SLC24A2: variants seen among roughly 807,000 people sequenced by gnomAD.
SLC24A2 encodes the protein sodium/potassium/calcium exchanger 2.
SLC24A2 carries 36 observed loss-of-function variants against 62.0 expected under a neutral mutation model. The ratio of observed to expected loss-of-function variants is 0.58; its 90% confidence interval spans 0.44 to 0.77. SLC24A2 has a LOEUF of 0.77. Among genes scored for constraint, SLC24A2 ranks in the 30% least tolerant of loss-of-function variants. The pLI, the probability that SLC24A2 is intolerant of heterozygous loss-of-function variation, is 0.00. For missense variants in SLC24A2, 846 were observed against 817.9 expected (o/e 1.03, Z -0.42); for synonymous variants, 358 against 294.0 (o/e 1.22, Z -2.23).
At chr9:19,792,312 T>G (rs1262694834), upstream of SLC24A2, among the ~76,000 whole-genome samples, 1 of 152,130 alleles carries the variant, frequency 6.6e-6, no homozygotes, top group South Asian at 2.1e-4. Flanking sequence ...TAGTAATGAT[T>G]AGCAATTTTT....
At chr9:19,531,401 G>C (rs551878234) in intron 8 of SLC24A2, among the ~76,000 whole-genome samples, 4 of 152,094 alleles carry the variant, frequency 2.6e-5, no homozygotes, top group Admixed American at 6.6e-5. Context: ...TATAGTAATG[G>C]GGGTTCATCC....
At chr9:19,824,262 G>T in the SLC24A2 span, among the ~76,000 whole-genome samples, 2 of 152,120 alleles carry the variant, frequency 1.3e-5, no homozygotes, top group African/African-American at 2.4e-5. Flanking sequence ...GAAAATTGTT[G>T]CAATCTATCC....
intron 2 of SLC24A2, among the ~76,000 whole-genome samples, chr9:19,704,571 C>G (rs1381456655): frequency 6.6e-6 from 1 of 152,070 alleles, no homozygotes; most frequent in Non-Finnish European, 1.5e-5. Flanking sequence ...TTTTCAATTC[C>G]TTTTCTGTTT....
chr9:19,898,635 G>T, the SLC24A2 span, among the ~76,000 whole-genome samples: 3 of 151,394 alleles, frequency 2.0e-5, no homozygotes, highest in East Asian at 5.9e-4. Flanking sequence ...CCAGCTACTC[G>T]GGAGGCTAAG....
chr9:19,736,224 A>G, intron 2 of SLC24A2, among the ~76,000 whole-genome samples: 1 of 152,296 alleles, frequency 6.6e-6, no homozygotes, highest in South Asian at 2.1e-4. Context: ...TAATAATAAT[A>G]CTTGATTAAT....
the SLC24A2 span, among the ~76,000 whole-genome samples, chr9:19,794,729 C>T: frequency 6.6e-6 from 1 of 152,030 alleles, no homozygotes; most frequent in Non-Finnish European, 1.5e-5. Context: ...TGAGAGTCCC[C>T]CAGGGTGCTT....
At chr9:20,304,523 A>G in the SLC24A2 span, among the ~76,000 whole-genome samples, 1 of 152,244 alleles carries the variant, frequency 6.6e-6, no homozygotes, top group Non-Finnish European at 1.5e-5. Flanking sequence ...TATAAAACAC[A>G]TGCGTAAGTT....
At chr9:19,687,029 C>CA (rs1819902912) in intron 2 of SLC24A2, among the ~76,000 whole-genome samples, 1 of 152,056 alleles carries the variant, frequency 6.6e-6, no homozygotes, top group Admixed American at 6.6e-5. Context: ...AACACGGGAA[C>CA]AGAAAACCAA....
chr9:19,595,113 G>T (rs1215724824), intron 5 of SLC24A2, among the ~76,000 whole-genome samples: 2 of 152,182 alleles, frequency 1.3e-5, no homozygotes, highest in African/African-American at 2.4e-5. Context: ...TTCCATATCA[G>T]AAAGTCTGGG....
chr9:20,204,414 T>C, the SLC24A2 span, among the ~76,000 whole-genome samples: 2 of 152,244 alleles, frequency 1.3e-5, no homozygotes, highest in African/African-American at 2.4e-5. Flanking sequence ...CTTGCATTTG[T>C]CCAGTATCAG....
At chr9:20,256,892 GA>G in the SLC24A2 span, among the ~76,000 whole-genome samples, 3 of 149,328 alleles carry the variant, frequency 2.0e-5, no homozygotes, top group South Asian at 4.3e-4. Flanking sequence ...AAACCAAAAA[GA>G]AAAAAACAAT....
the SLC24A2 span, among the ~76,000 whole-genome samples, chr9:20,182,257 C>A: frequency 1.3e-5 from 2 of 152,122 alleles, no homozygotes; most frequent in Non-Finnish European, 2.9e-5. Flanking sequence ...ACTAGAAATA[C>A]CATTTGACCC....
the SLC24A2 span, among the ~76,000 whole-genome samples, chr9:19,877,290 C>T: frequency 6.7e-6 from 1 of 148,288 alleles, no homozygotes; most frequent in Non-Finnish European, 1.5e-5. Flanking sequence ...GAGAGACAGG[C>T]TGGGAAGAGA....
chr9:19,542,394 A>G (rs1486293119), intron 8 of SLC24A2, among the ~76,000 whole-genome samples: 2 of 152,188 alleles, frequency 1.3e-5, no homozygotes, highest in African/African-American at 4.8e-5. Context: ...AACAGAGACA[A>G]TTTGACTTCC....
At chr9:20,138,121 C>T in the SLC24A2 span, among the ~76,000 whole-genome samples, 23 of 151,988 alleles carry the variant, frequency 1.5e-4, no homozygotes, top group African/African-American at 5.6e-4. Flanking sequence ...TTTTTTAATC[C>T]TAACCTCTAT....
chr9:20,218,844 C>CA, the SLC24A2 span, among the ~76,000 whole-genome samples: 1 of 152,114 alleles, frequency 6.6e-6, no homozygotes, highest in Non-Finnish European at 1.5e-5. Flanking sequence ...CTGGATTCTC[C>CA]ACTACCGAGT....
At chr9:19,723,461 A>G (rs1821085275) in intron 2 of SLC24A2, among the ~76,000 whole-genome samples, 1 of 152,128 alleles carries the variant, frequency 6.6e-6, no homozygotes, top group African/African-American at 2.4e-5. Flanking sequence ...ATCATATTCC[A>G]TTTAATTTAC....
chr9:19,574,753 G>A (rs1316699238), intron 6 of SLC24A2, among the ~76,000 whole-genome samples: 3 of 151,988 alleles, frequency 2.0e-5, no homozygotes, highest in African/African-American at 2.4e-5. Flanking sequence ...GGTGATCAAT[G>A]TTCCAGCACC....
At chr9:20,156,636 T>G in the SLC24A2 span, among the ~76,000 whole-genome samples, 1 of 151,720 alleles carries the variant, frequency 6.6e-6, no homozygotes, top group African/African-American at 2.4e-5. Context: ...GAAACTTAAT[T>G]TCCTTTTGTT....
Sources: allele counts gnomAD v4.1 joint callset (sites outside exome capture counted in the v4.1 genomes callset), GRCh38; gene constraint gnomAD v4.1.1; transcripts MANE v1.5; gene names NCBI Gene and HGNC (gene_info 2026-07-23, HGNC 2026-07-21).